The following INTS3 variants were observed in gnomAD, a reference collection of about 807,000 sequenced individuals.
The protein encoded by INTS3 is integrator complex subunit 3, also known as SOSS complex subunit A.
INTS3 carries 34 observed loss-of-function variants against 146.3 expected under a neutral mutation model. The observed-to-expected ratio is 0.23, with a 90% CI of 0.18 to 0.31. The LOEUF (loss-of-function observed/expected upper bound fraction) is 0.31, where lower values mean the gene tolerates loss of function less well. INTS3 is among the 10% of genes least tolerant of loss of function. The pLI is 1.00. For missense variants in INTS3, 757 were observed against 1,304.2 expected (o/e 0.58, Z 6.46); for synonymous variants, 475 against 494.9 (o/e 0.96, Z 0.53).
intron 1 of INTS3, 28 bp downstream of exon 1, chr1:153,728,812 A>T: frequency 7.6e-7 from 1 of 1,316,786 alleles, no homozygotes; most frequent in East Asian, 5.8e-5. Flanking sequence ...GAAGGGAGTT[A>T]AGAAATTGGG....
At chr1:153,771,067 C>T (rs1415972525) in intron 25 of INTS3, among the ~76,000 whole-genome samples, 1 of 151,338 alleles carries the variant, frequency 6.6e-6, no homozygotes. Flanking sequence ...CTCCTGCTGG[C>T]CACCGCACAG....
chr1:153,763,119 G>A (rs1254327391), intron 15 of INTS3, 114 bp from the exon 16 acceptor site: 14 of 1,357,026 alleles, frequency 1.0e-5, no homozygotes, highest in East Asian at 2.3e-5. Flanking sequence ...ACACAGCATT[G>A]AGGAAACAGG....
At chr1:153,743,265 G>T (rs996922498) in intron 3 of INTS3, among the ~76,000 whole-genome samples, 1 of 152,194 alleles carries the variant, frequency 6.6e-6, no homozygotes, top group African/African-American at 2.4e-5. Flanking sequence ...CTAAGGATTT[G>T]TATTTGGGGT....
chr1:153,733,135 C>T (rs1260523150), intron 1 of INTS3, among the ~76,000 whole-genome samples: 7 of 146,402 alleles, frequency 4.8e-5, no homozygotes, highest in African/African-American at 9.9e-5. Context: ...GCCACCGTGC[C>T]GGGCCAGAAT....
chr1:153,763,504 G>A (rs1644287855), intron 16 of INTS3, 142 bp downstream of exon 16: 6 of 900,388 alleles, frequency 6.7e-6, no homozygotes, highest in East Asian at 5.0e-5. Flanking sequence ...TCATGAGGGA[G>A]TTCTTCTGCA....
At chr1:153,762,918 C>T (rs1396212481) in intron 15 of INTS3, 71 bp downstream of exon 15, 3 of 1,573,234 alleles carry the variant, frequency 1.9e-6, no homozygotes, top group Admixed American at 1.8e-5. Flanking sequence ...GAAGCAGCCT[C>T]TCTGCACTCT....
rs369761936 is a variant in INTS3, at chr1:153,757,813, C to G, written c.1149+50C>G. On this transcript the variant is annotated intron_variant, in intron 10 of 29. Coordinates refer to ENST00000318967, the MANE Select transcript of INTS3 (RefSeq NM_023015.5). The surrounding 1 kb of genome is among the most constrained non-coding windows in gnomAD (Gnocchi z 4.0). ...TGAAGGGTGCCTCTTCCATGGTGTT[C>G]CCATGTTTCCATTCTTCTTCCTGAC... 2.8e-4 allele frequency: 423 copies of G among 1,505,726 alleles called. 1 individual carries two copies. In the African/African-American group the frequency reaches 5.2e-3, roughly 18 times the overall value. The allele number at this position is 1,505,726 out of a possible 1,614,324, so 93.3% of individuals were successfully genotyped here.
chr1:153,732,965 G>A (rs1263531108), intron 1 of INTS3, among the ~76,000 whole-genome samples: 5 of 149,828 alleles, frequency 3.3e-5, no homozygotes, highest in African/African-American at 7.4e-5. Flanking sequence ...CACCATGCCC[G>A]GCTAATTTTT....
intron 1 of INTS3, among the ~76,000 whole-genome samples, chr1:153,738,976 C>T (rs1671412500): frequency 6.6e-6 from 1 of 150,788 alleles, no homozygotes; most frequent in African/African-American, 2.4e-5. Context: ...TCACTGCAAA[C>T]TCTGCCTCCC....
intron 18 of INTS3, 48 bp from the exon 19 acceptor site, chr1:153,764,642 C>T (rs1672505754): frequency 7.1e-7 from 1 of 1,416,274 alleles, no homozygotes; most frequent in Non-Finnish European, 1.0e-6. Context: ...CCGTATGTGC[C>T]AGCAGCCCCC....
chr1:153,734,250 AGG>A (rs1248224979), intron 1 of INTS3, among the ~76,000 whole-genome samples: 2 of 152,232 alleles, frequency 1.3e-5, no homozygotes, highest in Non-Finnish European at 2.9e-5. Flanking sequence ...TCTGGAGACT[AGG>A]GGAAAAGCGT....
Position 153,761,573 on chromosome 1 carries a change from C to G in INTS3, c.1413C>G (p.His471Gln), listed in dbSNP as rs1672384681. Residue 471 changes from histidine (H) to glutamine (Q), a missense_variant, in exon 14 of 30, where the codon CAC (histidine) becomes CAG (glutamine). Coordinates refer to ENST00000318967, the MANE Select transcript of INTS3 (RefSeq NM_023015.5). Reference sequence around the variant, plus strand: ...CTTCATCATGTTCCCCATTTAGACACCTAGCTCCCCTGTTTGACAACCCTA... The same window carrying G: ...CTTCATCATGTTCCCCATTTAGACAGCTAGCTCCCCTGTTTGACAACCCTA... ...NHIVEKRVLAHLAPLFDNPKL... is the reference protein window; with the variant it reads ...NHIVEKRVLAQLAPLFDNPKL... 6.2e-7 allele frequency: 1 copy of G among 1,610,980 alleles called. No homozygotes were observed. Among genetic ancestry groups the G allele is most frequent in the Non-Finnish European group, 8.5e-7 (1 of 1,177,390 alleles).
intron 1 of INTS3, among the ~76,000 whole-genome samples, chr1:153,732,010 C>T (rs191684885): frequency 3.7e-4 from 54 of 145,016 alleles, no homozygotes; most frequent in African/African-American, 1.1e-3. Context: ...CGGGTTCAAG[C>T]GATTCTCCTG....
chr1:153,740,805 A>C, intron 2 of INTS3, 71 bp downstream of exon 2: 1 of 1,233,726 alleles, frequency 8.1e-7, no homozygotes. Flanking sequence ...AAAAAGATGG[A>C]AAGACTAAGT....
At chr1:153,753,891 G>A (rs1260102540) in intron 8 of INTS3, 1 of 151,604 alleles carries the variant, frequency 6.6e-6, no homozygotes, top group Non-Finnish European at 1.5e-5. Context: ...CTGACCTCAA[G>A]CAATCCACCT....
intron 9 of INTS3, among the ~76,000 whole-genome samples, chr1:153,756,545 G>GT (rs958461232): frequency 1.3e-5 from 2 of 152,012 alleles, no homozygotes; most frequent in African/African-American, 2.4e-5. Flanking sequence ...GCCAAGTGCG[G>GT]TGGCTCACGC....
At position 153,773,568 on chromosome 1, in the gene INTS3, C is replaced by A; in HGVS notation, c.*298C>A. ...GACCATAGTGGAAGTCCTCAGCCCC[C>A]TGGCCCCTTCCGCAATCTCCTCCCC... On this transcript the variant is annotated 3_prime_UTR_variant, in exon 30 of 30. Coordinates refer to ENST00000318967, the MANE Select transcript of INTS3 (RefSeq NM_023015.5). The A allele has an allele frequency of 2.0e-6, 1 of 497,986 alleles. No homozygotes were observed. The allele number at this position is 497,986 out of a possible 1,614,324, so 30.8% of individuals were successfully genotyped here.
chr1:153,755,488 G>A (rs187387517), intron 9 of INTS3, among the ~76,000 whole-genome samples: 119 of 152,182 alleles, frequency 7.8e-4, no homozygotes, highest in Middle Eastern at 3.4e-3. Context: ...TCGAACTTCC[G>A]ACCTCAGGTG....
At chr1:153,749,166 CAG>C in intron 6 of INTS3, among the ~76,000 whole-genome samples, 1 of 152,180 alleles carries the variant, frequency 6.6e-6, no homozygotes, top group Admixed American at 6.5e-5. Flanking sequence ...TGAAGTGGCA[CAG>C]GGGGCAGTTG....
Sources: gnomAD v4.1 joint callset for allele counts (sites outside exome capture counted in the v4.1 genomes callset) on GRCh38, gnomAD v4.1.1 for gene constraint, Gnocchi (gnomAD v3.1) non-coding constraint, MANE v1.5 for transcripts, NCBI Gene and HGNC (gene_info 2026-07-23, HGNC 2026-07-21) for gene names.